The following CHST13 variants were observed in gnomAD, a reference collection of about 807,000 sequenced individuals.
The protein encoded by CHST13 is C4ST-3.
A neutral mutation model predicts 7.0 loss-of-function variants in CHST13; 1 was observed. That is an observed-to-expected ratio of 0.14 (90% CI 0.05 to 0.68). CHST13 has a LOEUF of 0.68. Among genes scored for constraint, CHST13 ranks in the 30% least tolerant of loss-of-function variants. The probability of loss-of-function intolerance (pLI) is 0.82; values close to 1 mark genes in which losing one functional copy is unlikely to be tolerated. For synonymous variants in CHST13, 257 were observed against 240.9 expected, an observed-to-expected ratio of 1.07 and a Z score of -0.62; for missense variants, 572 against 507.9, an observed-to-expected ratio of 1.13 and a Z score of -1.21.
intron 1 of CHST13, among the ~76,000 whole-genome samples, chr3:126,534,735 T>C (rs1936729370): frequency 6.8e-6 from 1 of 146,178 alleles, no homozygotes; most frequent in African/African-American, 2.6e-5. Context: ...ACAGACAGCA[T>C]CCCTGTCCCC....
At position 126,524,392 on chromosome 3, in the gene CHST13, C is replaced by G; in HGVS notation, c.60C>G (p.Leu20=). The G allele has an allele frequency of 3.3e-6, 4 of 1,226,606 alleles. No homozygotes were observed. The highest frequency in any genetic ancestry group is 4.1e-6 in the Non-Finnish European group (4 of 981,648). 76.0% of individuals were successfully genotyped at this position (1,226,606 alleles called of 1,614,324 possible). The change falls in exon 1 of 3, where the codon CTC becomes CTG. Residue 20 remains leucine (L), a synonymous_variant. Coordinates refer to ENST00000319340, the MANE Select transcript of CHST13 (RefSeq NM_152889.3). The stretch of plus-strand genomic sequence containing the variant: ...CGGCCGCCTGTCTGGGCGCCGCGCT[C>G]CTGCTCCTATGCGCCGCGCCCCGCT... ...VLAAACLGAA[L]LLLCAAPRSL...
At position 126,542,043 on chromosome 3, in the gene CHST13, T is replaced by C; in HGVS notation, c.491T>C (p.Leu164Pro). Residue 164 changes from leucine (L) to proline (P), a missense_variant, in exon 3 of 3, where the codon CTG becomes CCG. Leu to Pro is a moderately conservative substitution (Grantham distance 98, BLOSUM62 -3). Coordinates refer to ENST00000319340, the MANE Select transcript of CHST13 (RefSeq NM_152889.3). The stretch of plus-strand genomic sequence containing the variant: ...AGCCCCGCCGAGATCAACCGGCGCC[T>C]GCGCGCCTACTTGGCCTTCCTGTTC... The part of the protein sequence containing the change: ...DFSPAEINRR[L>P]RAYLAFLFVR... The C allele has an allele frequency of 6.3e-7, 1 of 1,575,474 alleles. No individual in the cohort carries two copies. Among genetic ancestry groups the C allele is most frequent in the Non-Finnish European group, 8.6e-7 (1 of 1,165,262 alleles).
intron 1 of CHST13, among the ~76,000 whole-genome samples, chr3:126,526,574 G>A (rs1936540997): frequency 6.6e-6 from 1 of 152,228 alleles, no homozygotes; most frequent in South Asian, 2.1e-4. Context: ...GTTGGGCAAG[G>A]GGCCACTGAA....
Position 126,541,840 on chromosome 3 carries a change from G to A in CHST13, c.288G>A (p.Leu96=). The change falls in exon 3 of 3, where the codon CTG becomes CTA. Residue 96 remains leucine (L), a synonymous_variant. Coordinates refer to ENST00000319340, the MANE Select transcript of CHST13 (RefSeq NM_152889.3). ...AGCGCCTGCTACAGCCGGAGGACCTGCGGCACGTGCTGGTGGACGACGCGC... is the reference window on the plus strand; with the variant it reads ...AGCGCCTGCTACAGCCGGAGGACCTACGGCACGTGCTGGTGGACGACGCGC... The part of the protein sequence containing the change: ...RRQRLLQPED[L]RHVLVDDAHG... 6.3e-7 allele frequency: 1 copy of A among 1,576,248 alleles called. No homozygotes were observed. Among genetic ancestry groups the A allele is most frequent in the East Asian group, 2.4e-5 (1 of 42,498 alleles).
chr3:126,541,688 C>T, intron 2 of CHST13, 45 bp from the exon 3 acceptor site: 11 of 1,387,018 alleles, frequency 7.9e-6, no homozygotes, highest in Non-Finnish European at 1.0e-5. Flanking sequence ...AGGGAGCCCG[C>T]GCTGCCCTGA....
intron 1 of CHST13, among the ~76,000 whole-genome samples, chr3:126,535,813 C>A (rs1576753010): frequency 6.6e-6 from 1 of 152,270 alleles, no homozygotes; most frequent in East Asian, 1.9e-4. Flanking sequence ...AGGCTACAGC[C>A]CACTGTGCCA....
rs1192615996 is a variant in CHST13 at position 126,536,317 on chromosome 3, G to A, written c.144G>A (p.Lys48=). 3.1e-6 allele frequency: 5 copies of A among 1,614,082 alleles called. No homozygotes were observed. The highest frequency in any genetic ancestry group is 4.2e-6 in the Non-Finnish European group (5 of 1,179,978). The change falls in exon 2 of 3, where the codon AAG becomes AAA. Residue 48 remains lysine (K), a synonymous_variant. Transcript: ENST00000319340. ...ALGSSWLGGE[K]RSPLQKLYDL... is the part of the protein sequence containing the mutation. ...GCTCCAGCTGGCTTGGTGGGGAGAA[G>A]AGAAGCCCCCTGCAGAAGCTCTATG... is the stretch of plus-strand genomic sequence containing the variant.
Position 126,541,716 on chromosome 3 carries a change from T to C in CHST13, c.181-17T>C. On this transcript the variant is annotated splice_polypyrimidine_tract_variant and intron_variant, in intron 2 of 2. Coordinates refer to ENST00000319340, the MANE Select transcript of CHST13 (RefSeq NM_152889.3). Reference sequence around the variant, plus strand: ...TGCCCTGACGCGTCCCCCTGTCCCGTCTCCTGTCGCCCACAGGACCCGCGC... The same window carrying C: ...TGCCCTGACGCGTCCCCCTGTCCCGCCTCCTGTCGCCCACAGGACCCGCGC... 1 of 1,437,758 alleles carries C rather than the reference T, an allele frequency of 7.0e-7. No homozygotes were observed. The highest frequency in any genetic ancestry group is 9.1e-7 in the Non-Finnish European group (1 of 1,098,534). The allele number at this position is 1,437,758 out of a possible 1,614,324, so 89.1% of individuals were successfully genotyped here. A position where few individuals can be genotyped will look rare whatever the true frequency, so the allele number is the denominator to read the frequency against.
intron 2 of CHST13, 146 bp from the exon 3 acceptor site, chr3:126,541,587 T>A: frequency 1.5e-6 from 1 of 657,512 alleles, no homozygotes; most frequent in South Asian, 2.3e-5. Context: ...CACACAGTGA[T>A]CAGTGACAGC....
At position 126,524,332 on chromosome 3, in the gene CHST13, C is replaced by A; in HGVS notation, c.-1C>A. 2 of 1,235,586 alleles carry A rather than the reference C, an allele frequency of 1.6e-6. No individual in the cohort carries two copies. The highest frequency in any genetic ancestry group is 3.1e-5 in the African/African-American group (2 of 63,816). The allele number at this position is 1,235,586 out of a possible 1,614,324, so 76.5% of individuals were successfully genotyped here. ...GTCCTCCGCCGCGCGCCCGGCACAG[C>A]ATGGGGAGGCGCTGCTGCCGGCGGC... is the stretch of plus-strand genomic sequence containing the variant. On this transcript the variant is annotated 5_prime_UTR_variant, in exon 1 of 3. Transcript: ENST00000319340.
At chr3:126,541,707 C>A in intron 2 of CHST13, 26 bp from the exon 3 acceptor site, 1 of 1,429,192 alleles carries the variant, frequency 7.0e-7, no homozygotes, top group Admixed American at 2.7e-5. Context: ...GACGCGTCCC[C>A]CTGTCCCGTC....
intron 1 of CHST13, chr3:126,529,086 G>C (rs1936594553): frequency 5.4e-6 from 2 of 372,674 alleles, no homozygotes; most frequent in Non-Finnish European, 1.1e-5. Context: ...TGCTGGACTA[G>C]GGAGTCTGCA....
chr3:126,539,685 AC>A (rs1936888672), intron 2 of CHST13, among the ~76,000 whole-genome samples: 1 of 120,818 alleles, frequency 8.3e-6, no homozygotes, highest in Non-Finnish European at 1.7e-5. Flanking sequence ...TACACCACAG[AC>A]ACCACACACA....
chr3:126,525,066 C>T (rs1363340254), intron 1 of CHST13, among the ~76,000 whole-genome samples: 1 of 152,166 alleles, frequency 6.6e-6, no homozygotes, highest in Non-Finnish European at 1.5e-5. Flanking sequence ...CCCATCAACC[C>T]ATTTCACACA....
At chr3:126,528,472 G>T (rs77433575) in intron 1 of CHST13, among the ~76,000 whole-genome samples, 6 of 152,292 alleles carry the variant, frequency 3.9e-5, no homozygotes, top group Non-Finnish European at 2.9e-5. Flanking sequence ...GTGGGCCTTG[G>T]GGGGAACCAG....
At chr3:126,532,538 T>A (rs1032864441) in intron 1 of CHST13, among the ~76,000 whole-genome samples, 1 of 152,244 alleles carries the variant, frequency 6.6e-6, no homozygotes, top group African/African-American at 2.4e-5. Context: ...CCTTTCCCCA[T>A]TGAATTGTCT....
In CHST13 at chr3:126,543,287, T is replaced by C. The variant is rs1403723757; in HGVS notation, c.*709T>C. 1 of 152,272 alleles carries C rather than the reference T, an allele frequency of 6.6e-6. No homozygotes were observed. Among genetic ancestry groups the C allele is most frequent in the Non-Finnish European group, 1.5e-5 (1 of 68,070 alleles). 9.4% of individuals were successfully genotyped at this position (152,272 alleles called of 1,614,324 possible). A position where few individuals can be genotyped will look rare whatever the true frequency, so the allele number is the denominator to read the frequency against. ...TTGAAATAAATGTATTTTGTTACTT[T>C]CTGATTTTTTGGAGTTTATCTGCTT... On this transcript the variant is annotated 3_prime_UTR_variant, in exon 3 of 3. Transcript: ENST00000319340.
intron 1 of CHST13, among the ~76,000 whole-genome samples, 157 bp downstream of exon 1, chr3:126,524,586 A>G (rs1010233344): frequency 2.6e-5 from 4 of 152,148 alleles, no homozygotes; most frequent in Non-Finnish European, 4.4e-5. Flanking sequence ...AGGCACAGAA[A>G]GGCTCTAGAC....
Position 126,542,697 on chromosome 3 carries a change from G to C in CHST13, c.*119G>C. Reference sequence around the variant, plus strand: ...AAGAGCCACTGCGTGCACTCACCTGGCCGCCGGGCCAGCGGGCGCAGGGCA... The same window carrying C: ...AAGAGCCACTGCGTGCACTCACCTGCCCGCCGGGCCAGCGGGCGCAGGGCA... On this transcript the variant is annotated 3_prime_UTR_variant, in exon 3 of 3. Coordinates refer to ENST00000319340, the MANE Select transcript of CHST13 (RefSeq NM_152889.3). 7.5e-7 allele frequency: 1 copy of C among 1,337,484 alleles called. No individual in the cohort carries two copies. Among genetic ancestry groups the C allele is most frequent in the Non-Finnish European group, 9.6e-7 (1 of 1,042,260 alleles). The allele number at this position is 1,337,484 out of a possible 1,614,324, so 82.9% of individuals were successfully genotyped here. A position where few individuals can be genotyped will look rare whatever the true frequency, so the allele number is the denominator to read the frequency against.
Sources: allele counts gnomAD v4.1 joint callset (sites outside exome capture counted in the v4.1 genomes callset), GRCh38; gene constraint gnomAD v4.1.1; transcripts MANE v1.5; gene names NCBI Gene and HGNC (gene_info 2026-07-23, HGNC 2026-07-21).